Variants in HNF4A observed in about 807,000 individuals in gnomAD.
HNF4A encodes the protein hepatocyte nuclear factor 4-alpha.
HNF4A carries 15 observed loss-of-function variants against 52.4 expected under a neutral mutation model. The ratio of observed to expected loss-of-function variants is 0.29; its 90% CI spans 0.19 to 0.44. The LOEUF is 0.44. HNF4A is among the 20% of genes least tolerant of loss of function. HNF4A has a pLI of 1.00. For missense variants in HNF4A, 479 were observed against 647.2 expected (o/e 0.74, Z 2.82); for synonymous variants, 280 against 264.4 (o/e 1.06, Z -0.57).
At position 44,414,617 on chromosome 20, in the gene HNF4A, G is replaced by A; in HGVS notation, c.603G>A (p.Trp201Ter). 1 of 1,613,804 alleles carries A rather than the reference G, an allele frequency of 6.2e-7. No individual in the cohort carries two copies. The highest frequency in any genetic ancestry group is 8.5e-7 in the Non-Finnish European group (1 of 1,179,856). ...AGCAGCTGCTGGTTCTCGTTGAGTG[G>A]GCCAAGTACATCCCAGCTTTCTGCG... Residue 201 changes from tryptophan to a stop codon, truncating the protein, a stop_gained, in exon 5 of 10, where the codon TGG becomes TGA. Coordinates refer to ENST00000316099, the MANE Select transcript of HNF4A (RefSeq NM_000457.6). LOFTEE classifies it high-confidence loss of function.
At chr20:44,426,525 C>T (rs566928154) in intron 8 of HNF4A, among the ~76,000 whole-genome samples, 27 of 152,014 alleles carry the variant, frequency 1.8e-4, no homozygotes, top group Non-Finnish European at 2.6e-4. Flanking sequence ...AGATAGAGGC[C>T]GGGCACGGTG....
rs748452860 is a variant in HNF4A, at chr20:44,429,654, G to A, written c.1414G>A (p.Glu472Lys). The change falls in exon 10 of 10, where the codon GAA becomes AAA. Residue 472 changes from glutamate to lysine, a missense_variant. Glu to Lys is a moderately conservative substitution (Grantham distance 56). Coordinates refer to ENST00000316099, the MANE Select transcript of HNF4A (RefSeq NM_000457.6). ...CCCCCAGCCGACCATCACCAAGCAGGAAGTTATCTAGCAAGCCGCTGGGGC... is the reference window on the plus strand; with the variant it reads ...CCCCCAGCCGACCATCACCAAGCAGAAAGTTATCTAGCAAGCCGCTGGGGC... 61 of 1,613,978 alleles carry A rather than the reference G, an allele frequency of 3.8e-5. No homozygotes were observed. The highest frequency in any genetic ancestry group is 5.2e-5 in the Non-Finnish European group (61 of 1,180,046).
intron 1 of HNF4A, among the ~76,000 whole-genome samples, chr20:44,388,754 C>T (rs1209117170): frequency 1.3e-5 from 2 of 152,222 alleles, no homozygotes; most frequent in Non-Finnish European, 2.9e-5. Context: ...CCGCCTCCTC[C>T]GGGACGCCCT....
intron 1 of HNF4A, among the ~76,000 whole-genome samples, chr20:44,370,096 G>C (rs531373239): frequency 3.0e-4 from 45 of 152,064 alleles, no homozygotes; most frequent in Middle Eastern, 3.4e-3. Context: ...GCGCGATCTC[G>C]GCTCACTGCA....
intron 1 of HNF4A, among the ~76,000 whole-genome samples, chr20:44,390,086 T>C (rs2063283260): frequency 6.6e-6 from 1 of 152,022 alleles, no homozygotes; most frequent in Admixed American, 6.6e-5. Context: ...CTCAGAGAAG[T>C]GAAATGCCTC....
intron 1 of HNF4A, among the ~76,000 whole-genome samples, chr20:44,369,249 CA>C (rs751374772): frequency 0.12 from 2,849 of 24,606 alleles, 2 homozygotes; most frequent in Middle Eastern, 0.2. Context: ...AACTCCATCT[CA>C]AAAAAAAAAA....
Position 44,413,804 on chromosome 20 carries a change from C to A in HNF4A, c.492+4C>A, listed in dbSNP as rs758856937. 6.3e-7 allele frequency: 1 copy of A among 1,596,742 alleles called. No homozygotes were observed. On this transcript the variant is annotated splice_donor_region_variant and intron_variant, in intron 4 of 9. Transcript: ENST00000316099. ...GGCGGAGGTCCTGTCCCGACAGGTA[C>A]CGGGGTGATCCTGCCACCCACCCAG...
chr20:44,362,864 C>T (rs4812830), intron 1 of HNF4A, among the ~76,000 whole-genome samples: 58,963 of 145,952 alleles, frequency 0.4, 12,214 homozygotes, highest in East Asian at 0.57. Flanking sequence ...TTTTTTGAGA[C>T]GGAGTCTTGC....
intron 1 of HNF4A, among the ~76,000 whole-genome samples, chr20:44,404,324 C>T (rs192497343): frequency 1.3e-4 from 20 of 152,252 alleles, no homozygotes; most frequent in Middle Eastern, 3.4e-3. Context: ...CAATGTCACA[C>T]GGCTAAAAAG....
chr20:44,370,564 C>T (rs558496718), intron 1 of HNF4A, among the ~76,000 whole-genome samples: 2 of 152,346 alleles, frequency 1.3e-5, no homozygotes, highest in South Asian at 2.1e-4. Flanking sequence ...TCCTCTACAG[C>T]GCTGAAATTA....
chr20:44,369,275 A>AC, intron 1 of HNF4A, among the ~76,000 whole-genome samples: 1 of 146,002 alleles, frequency 6.8e-6, no homozygotes, highest in East Asian at 1.9e-4. Context: ...AAAAAAAAAA[A>AC]AAACTGGGCC....
At chr20:44,395,311 G>A (rs370142116) in intron 1 of HNF4A, 1 of 152,378 alleles carries the variant, frequency 6.6e-6, no homozygotes, top group Non-Finnish European at 1.5e-5. Flanking sequence ...CACTAAATGG[G>A]TGGGTTAGCC....
chr20:44,368,132 G>A (rs1320248943), intron 1 of HNF4A, among the ~76,000 whole-genome samples: 1 of 76,602 alleles, frequency 1.3e-5, no homozygotes, highest in African/African-American at 5.6e-5. Flanking sequence ...GTGTGTGTGT[G>A]TGTATATACA....
At position 44,428,447 on chromosome 20, in the gene HNF4A, C is replaced by T. The variant is rs141448616; in HGVS notation, c.1242C>T (p.Asn414=). ...ACACAATGCCCACTCACCTCAGCAA[C>T]GGACAGATGTGTGAGTGGCCCCGAC... is the stretch of plus-strand genomic sequence containing the variant. Residue 414 remains asparagine (N), a synonymous_variant, in exon 9 of 10, where the codon AAC becomes AAT. Transcript: ENST00000316099. The T allele has an allele frequency of 5.1e-4, 830 of 1,614,168 alleles. 1 individual carries two copies. Among genetic ancestry groups the T allele is most frequent in the Middle Eastern group, 1.3e-3 (8 of 6,062 alleles).
At chr20:44,373,688 A>T (rs1312729662) in intron 1 of HNF4A, among the ~76,000 whole-genome samples, 11 of 150,940 alleles carry the variant, frequency 7.3e-5, no homozygotes, top group Middle Eastern at 3.4e-3. Context: ...TTTTTTTTTT[A>T]AATTAAACTT....
intron 1 of HNF4A, among the ~76,000 whole-genome samples, chr20:44,359,607 A>C (rs982743594): frequency 6.6e-6 from 1 of 152,168 alleles, no homozygotes; most frequent in African/African-American, 2.4e-5. Context: ...AGCACTGTTA[A>C]CTTTCTGGCC....
At chr20:44,385,360 G>A (rs1216633099) in intron 1 of HNF4A, among the ~76,000 whole-genome samples, 1 of 151,940 alleles carries the variant, frequency 6.6e-6, no homozygotes, top group East Asian at 1.9e-4. Flanking sequence ...CATGGCTCCT[G>A]CCTTTAATCC....
intron 1 of HNF4A, among the ~76,000 whole-genome samples, chr20:44,356,810 T>C (rs2062863879): frequency 6.6e-6 from 1 of 152,196 alleles, no homozygotes; most frequent in Non-Finnish European, 1.5e-5. Flanking sequence ...TTTTTAAAAG[T>C]TGGGTGCCTT....
chr20:44,381,661 C>T (rs115858603), intron 1 of HNF4A, among the ~76,000 whole-genome samples: 2 of 151,038 alleles, frequency 1.3e-5, no homozygotes, highest in African/African-American at 2.4e-5. Flanking sequence ...CCCAGGATGG[C>T]GTGCAGCGGC....
Sources: gnomAD v4.1 joint callset for allele counts (sites outside exome capture counted in the v4.1 genomes callset) on GRCh38, gnomAD v4.1.1 for gene constraint, MANE v1.5 for transcripts, NCBI Gene and HGNC (gene_info 2026-07-23, HGNC 2026-07-21) for gene names.